Variants in PAPLN observed in about 807,000 individuals in gnomAD.
PAPLN encodes the protein papilin.
A neutral mutation model predicts 159.0 loss-of-function variants in PAPLN; 146 were observed. The ratio of observed to expected loss-of-function variants is 0.92; its 90% CI spans 0.80 to 1.05. PAPLN has a LOEUF of 1.05. Among genes scored for constraint, PAPLN ranks in the 50% least tolerant of loss-of-function variants. The pLI is 0.00. For synonymous variants in PAPLN, 734 were observed against 702.9 expected, an observed-to-expected ratio of 1.04 and a Z score of -0.70; for missense variants, 1,720 against 1,743.9, an observed-to-expected ratio of 0.99 and a Z score of 0.24.
chr14:73,251,344 C>G (rs1885230929), intron 7 of PAPLN, 142 bp from the exon 8 acceptor site: 1 of 1,003,700 alleles, frequency 1.0e-6, no homozygotes, highest in African/African-American at 1.6e-5. Context: ...CCAGGGTTGC[C>G]TTTCCCAGCA....
Position 73,256,612 on chromosome 14 carries a change from T to C in PAPLN, c.1627+1594T>C, listed in dbSNP as rs558859505. Among the ~76,000 whole-genome samples, 340 of 150,428 alleles carry C rather than the reference T, an allele frequency of 2.3e-3. 3 individuals carry two copies. Among genetic ancestry groups the C allele is most frequent in the African/African-American group, 7.9e-3 (323 of 40,990 alleles). On this transcript the variant is annotated intron_variant, in intron 14 of 26. Transcript: ENST00000644200. ...CAACCCCAAATTATTGTTTTAAATA[T>C]CCCTGGGGGCTGGATGCAACTGCTC...
intron 26 of PAPLN, among the ~76,000 whole-genome samples, chr14:73,271,238 T>G (rs549509285): frequency 4.5e-4 from 68 of 152,302 alleles, no homozygotes; most frequent in African/African-American, 1.4e-3. Context: ...TACAGATTTT[T>G]AGAAACAATA....
rs1351889724 is a variant in PAPLN, at chr14:73,239,841, G to A, written c.54+9G>A. 2 of 1,580,160 alleles carry A rather than the reference G, an allele frequency of 1.3e-6. No individual in the cohort carries two copies. Among genetic ancestry groups the A allele is most frequent in the African/African-American group, 2.7e-5 (2 of 73,922 alleles). ...CAGCGCCCGGGTCCTCGGTGAGTGC[G>A]GTCCTGCCCCGGCCCCCGGAGGAAC... On this transcript the variant is annotated intron_variant, in intron 2 of 26. Coordinates refer to ENST00000644200, the MANE Select transcript of PAPLN (RefSeq NM_001365906.3).
At chr14:73,244,787 G>T in intron 3 of PAPLN, 28 bp downstream of exon 3, 5 of 1,490,444 alleles carry the variant, frequency 3.4e-6, no homozygotes, top group East Asian at 2.5e-5. Flanking sequence ...GGGCCAGCTT[G>T]TTAAAGCAGG....
At chr14:73,240,129 C>T (rs1883382601) in intron 2 of PAPLN, among the ~76,000 whole-genome samples, 2 of 152,192 alleles carry the variant, frequency 1.3e-5, no homozygotes, top group African/African-American at 4.8e-5. Flanking sequence ...CCCGCCAATC[C>T]TGGCGGGTGC....
intron 16 of PAPLN, 45 bp from the exon 17 acceptor site, chr14:73,260,664 G>A (rs776194427): frequency 5.7e-6 from 8 of 1,401,050 alleles, no homozygotes; most frequent in East Asian, 2.7e-5. Flanking sequence ...TGCAGGGAGC[G>A]TGGGGGCAGG....
chr14:73,261,010 G>T (rs1886517723), intron 17 of PAPLN, 146 bp from the exon 18 acceptor site: 2 of 1,442,266 alleles, frequency 1.4e-6, no homozygotes, highest in Non-Finnish European at 1.9e-6. Flanking sequence ...TGGATCAGGG[G>T]TTTCATCCAA....
At position 73,250,841 on chromosome 14, in the gene PAPLN, G is replaced by T. The variant is rs1170145695; in HGVS notation, c.466-66G>T. On this transcript the variant is annotated intron_variant, in intron 6 of 26. Transcript: ENST00000644200. Reference sequence around the variant, plus strand: ...TGCGTGGGTGCTGGGGTTAGGATGCGACGGGGCCCAAGGCCTGATGTGGCC... The same window carrying T: ...TGCGTGGGTGCTGGGGTTAGGATGCTACGGGGCCCAAGGCCTGATGTGGCC... The T allele has an allele frequency of 3.3e-6, 5 of 1,517,142 alleles. No homozygotes were observed. The African/African-American group carries it at 5.5e-5, about 17-fold the overall frequency. The allele number at this position is 1,517,142 out of a possible 1,614,324, so 94.0% of individuals were successfully genotyped here.
chr14:73,261,694 G>GA (rs1283488517), intron 18 of PAPLN, among the ~76,000 whole-genome samples: 1 of 152,214 alleles, frequency 6.6e-6, no homozygotes, highest in Non-Finnish European at 1.5e-5. Flanking sequence ...GAGGGTAGGG[G>GA]TCAGGGAGGT....
At chr14:73,254,274 A>G (rs1885632691) in intron 12 of PAPLN, among the ~76,000 whole-genome samples, 1 of 152,184 alleles carries the variant, frequency 6.6e-6, no homozygotes, top group South Asian at 2.1e-4. Context: ...GCACCTACGT[A>G]TATTCAAGTT....
At chr14:73,267,077 G>C (rs1189062093) in intron 25 of PAPLN, among the ~76,000 whole-genome samples, 2 of 152,148 alleles carry the variant, frequency 1.3e-5, no homozygotes, top group African/African-American at 4.8e-5. Flanking sequence ...GTTTGGAGCT[G>C]GTAAGTTTTG....
intron 2 of PAPLN, chr14:73,243,723 G>A (rs1883863558): frequency 1.3e-5 from 2 of 152,256 alleles, no homozygotes; most frequent in Non-Finnish European, 2.9e-5. Flanking sequence ...TGGTGGGAAA[G>A]TGTACCTGCT....
chr14:73,265,741 CAG>C lies in PAPLN; in HGVS notation c.3263+237_3263+238del, dbSNP rs898425872. Among the ~76,000 whole-genome samples, 7 of 152,180 alleles carry C rather than the reference CAG, an allele frequency of 4.6e-5. No individual in the cohort carries two copies. The highest frequency in any genetic ancestry group is 1.0e-4 in the Non-Finnish European group (7 of 68,044). ...TGGACAGAAATAAGAGGCCAGCTAA[CAG>C]AGGTGATGACGGAAGAAGAAAATGG... On this transcript the variant is annotated intron_variant, in intron 23 of 26. Coordinates refer to ENST00000644200, the MANE Select transcript of PAPLN (RefSeq NM_001365906.3). This position sits in a 1 kb window ranked among gnomAD's most constrained non-coding sequence, Gnocchi z 4.1.
chr14:73,236,312 C>T (rs965606009), upstream of PAPLN, among the ~76,000 whole-genome samples: 14 of 152,190 alleles, frequency 9.2e-5, no homozygotes, highest in Admixed American at 5.9e-4. Flanking sequence ...AGGCCCTGCC[C>T]CCCGGGACTC....
chr14:73,238,367 C>G (rs1380280125), intron 1 of PAPLN, among the ~76,000 whole-genome samples: 1 of 152,260 alleles, frequency 6.6e-6, no homozygotes, highest in East Asian at 1.9e-4. Context: ...CGAGCTTCCA[C>G]GGCCCTCGGA....
In PAPLN at chr14:73,257,765, T is replaced by C. The variant is rs1011071799; in HGVS notation, c.1628-1214T>C. ...TAGTCTCTTTCTTCTTTTTTTTTTT[T>C]TTTTTTTTTTTTTTTTGAGACCTAG... On this transcript the variant is annotated intron_variant, in intron 14 of 26. Coordinates refer to ENST00000644200, the MANE Select transcript of PAPLN (RefSeq NM_001365906.3). 4.4e-5 allele frequency among the ~76,000 whole-genome samples: 6 copies of C among 136,710 alleles called. 1 individual carries two copies. The South Asian group carries it at 1.2e-3, about 28-fold the overall frequency. The allele number at this position is 136,710 out of a possible 152,430, so 89.7% of individuals were successfully genotyped here.
chr14:73,251,868 G>A, intron 9 of PAPLN, 32 bp downstream of exon 9: 2 of 1,566,230 alleles, frequency 1.3e-6, no homozygotes, highest in East Asian at 2.3e-5. Flanking sequence ...GAGGGCGAGT[G>A]GGCAGCTCGT....
In PAPLN at chr14:73,241,803, T is replaced by C. The variant is rs192337561; in HGVS notation, c.54+1971T>C. On this transcript the variant is annotated intron_variant, in intron 2 of 26. Transcript: ENST00000644200. ...ATGAATAAAGGTGGCGGCCTGCGTGTTCCTGGGCCTCAGCCTCTGCTCCCG... is the reference window on the plus strand; with the variant it reads ...ATGAATAAAGGTGGCGGCCTGCGTGCTCCTGGGCCTCAGCCTCTGCTCCCG... 3.0e-4 allele frequency among the ~76,000 whole-genome samples: 45 copies of C among 152,392 alleles called. 1 individual carries two copies. Among genetic ancestry groups the C allele is most frequent in the Non-Finnish European group, 3.8e-4 (26 of 68,042 alleles).
In PAPLN at chr14:73,262,515, G is replaced by C; in HGVS notation, c.2411G>C (p.Cys804Ser). Residue 804 changes from cysteine to serine, a missense_variant, in exon 19 of 27, where the codon TGC becomes TCC. Transcript: ENST00000644200. ...TCGGAGCAAGAGTGCATGAGCAGCT[G>C]CCAGGGATCTCTCCATGGGCCCCGT... Reference protein sequence around the residue: ...FASEQECMSSCQGSLHGPRRP... With the variant: ...FASEQECMSSSQGSLHGPRRP... 6.3e-7 allele frequency: 1 copy of C among 1,581,190 alleles called. No homozygotes were observed. Among genetic ancestry groups the C allele is most frequent in the Non-Finnish European group, 8.6e-7 (1 of 1,162,908 alleles).
Sources: allele counts gnomAD v4.1 joint callset (sites outside exome capture counted in the v4.1 genomes callset), GRCh38; gene constraint gnomAD v4.1.1; non-coding constraint Gnocchi (gnomAD v3.1); transcripts MANE v1.5; gene names NCBI Gene and HGNC (gene_info 2026-07-23, HGNC 2026-07-21).